LTF: variants seen among roughly 807,000 people sequenced by gnomAD.
LTF encodes the protein lactotransferrin, also known as epididymis luminal protein 110.
Under a neutral mutation model 87.2 loss-of-function variants are expected in LTF, and 91 were observed. The observed-to-expected ratio is 1.04, with a 90% CI of 0.88 to 1.24. LTF has a LOEUF of 1.24. Among genes scored for constraint, LTF ranks in the 50% most tolerant of loss-of-function variants. LTF has a pLI of 0.00. For synonymous variants in LTF, 378 were observed against 356.1 expected (o/e 1.06, Z -0.69); for missense variants, 901 against 904.3 (o/e 1.00, Z 0.05).
At chr3:46,449,457 C>A (rs1168129555) in intron 8 of LTF, among the ~76,000 whole-genome samples, 1 of 152,148 alleles carries the variant, frequency 6.6e-6, no homozygotes, top group Non-Finnish European at 1.5e-5. Flanking sequence ...CACCCCCAGC[C>A]CCCCAGTAGA....
Position 46,456,771 on chromosome 3 carries a change from C to G in LTF, c.208-373G>C, listed in dbSNP as rs4683228. ...TTGGATAGAAAATATAGTTATTAAG[C>G]TATCCTAAAATTTTCATAAGAAACC... On this transcript the variant is annotated intron_variant, in intron 2 of 16. Transcript: ENST00000231751. Among the ~76,000 whole-genome samples, 761 of 152,152 alleles carry G rather than the reference C, an allele frequency of 5.0e-3. 6 individuals carry two copies. Among genetic ancestry groups the G allele is most frequent in the African/African-American group, 0.017 (713 of 41,498 alleles).
At position 46,445,381 on chromosome 3, in the gene LTF, A is replaced by T. The variant is rs1229148022; in HGVS notation, c.1413T>A (p.Ser471=). 1 of 1,614,000 alleles carries T rather than the reference A, an allele frequency of 6.2e-7. No homozygotes were observed. Among genetic ancestry groups the T allele is most frequent in the Admixed American group, 1.7e-5 (1 of 60,004 alleles). ...RRSDTSLTWN[S]VKGKKSCHTA... is the part of the protein sequence containing the mutation. ...TGTGGCAGGACTTCTTGCCTTTCAC[A>T]GAGTTCCAGGTAAGGCTAGTGTCTG... is the stretch of plus-strand genomic sequence containing the variant. The change falls in exon 12 of 17, where the codon TCT becomes TCA. Residue 471 remains serine, a synonymous_variant. Coordinates refer to ENST00000231751, the MANE Select transcript of LTF (RefSeq NM_002343.6).
At chr3:46,467,650 T>C (rs1295196027), upstream of LTF, among the ~76,000 whole-genome samples, 6 of 147,682 alleles carry the variant, frequency 4.1e-5, no homozygotes, top group East Asian at 3.9e-4. Context: ...TTTTCTTTTT[T>C]TTTTTTTTTT....
chr3:46,448,230 G>C (rs1702704419), intron 9 of LTF, among the ~76,000 whole-genome samples: 1 of 152,098 alleles, frequency 6.6e-6, no homozygotes, highest in Non-Finnish European at 1.5e-5. Flanking sequence ...ATGCAGGTGT[G>C]GTGGCGTATG....
rs148932498 is a variant in LTF, at chr3:46,449,116, A to G, written c.1058-99T>C. 2.0e-3 allele frequency: 2,271 copies of G among 1,128,470 alleles called. 41 individuals carry two copies. The African/African-American group carries it at 0.032, about 16-fold the overall frequency. The allele number at this position is 1,128,470 out of a possible 1,614,324, so 69.9% of individuals were successfully genotyped here. The stretch of plus-strand genomic sequence containing the variant: ...GTCCTGCCCAGACTCTCCCTGGAAC[A>G]GGAGCTACAGTACATGTGTGGACAT... On this transcript the variant is annotated intron_variant, in intron 8 of 16. Coordinates refer to ENST00000231751, the MANE Select transcript of LTF (RefSeq NM_002343.6).
chr3:46,447,218 T>A (rs1702676585), intron 10 of LTF, 90 bp downstream of exon 10: 1 of 877,764 alleles, frequency 1.1e-6, no homozygotes, highest in Non-Finnish European at 1.9e-6. Flanking sequence ...TTCATCATAA[T>A]GTTTCACCTG....
rs780557539 is a variant in LTF, at chr3:46,438,093, T to G, written c.1945A>C (p.Lys649Gln). The G allele has an allele frequency of 6.2e-7, 1 of 1,614,064 alleles. No homozygotes were observed. Among genetic ancestry groups the G allele is most frequent in the East Asian group, 2.2e-5 (1 of 44,882 alleles). The change falls in exon 16 of 17, where the codon AAG becomes CAG. Residue 649 changes from lysine (K) to glutamine (Q), a missense_variant. Transcript: ENST00000231751. ...FGRNGSDCPDKFCLFQSETKN... is the reference protein window; with the variant it reads ...FGRNGSDCPDQFCLFQSETKN... ...GTTTCAGACTGGAATAAGCAAAACT[T>G]GTCCGGGCAGTCAGATCCATTTCTC...
chr3:46,482,616 GA>G (rs1225520770), intron 1 of LTF, among the ~76,000 whole-genome samples: 573 of 37,832 alleles, frequency 0.015, 34 homozygotes, highest in South Asian at 0.027. Context: ...AAAGAAGAAA[GA>G]AAGAAAGAAA....
chr3:46,439,065 A>G (rs1453601357), intron 15 of LTF, among the ~76,000 whole-genome samples: 3 of 152,232 alleles, frequency 2.0e-5, no homozygotes, highest in Non-Finnish European at 4.4e-5. Context: ...AGGCCAGGGC[A>G]CAGAGTCTCA....
chr3:46,451,404 T>TA (rs1328245161), intron 6 of LTF, among the ~76,000 whole-genome samples: 7 of 152,234 alleles, frequency 4.6e-5, no homozygotes, highest in Non-Finnish European at 1.0e-4. Context: ...AATGAAGGTT[T>TA]ACCAGTGTAT....
chr3:46,460,334 AG>A (rs1703047805), intron 1 of LTF, among the ~76,000 whole-genome samples: 1 of 152,206 alleles, frequency 6.6e-6, no homozygotes, highest in Non-Finnish European at 1.5e-5. Context: ...CCAAGAGAAC[AG>A]GGGAAAATAT....
chr3:46,479,957 T>C (rs939072673), intron 1 of LTF, among the ~76,000 whole-genome samples: 1 of 151,938 alleles, frequency 6.6e-6, no homozygotes, highest in African/African-American at 2.4e-5. Flanking sequence ...AGGAGAGAGG[T>C]GGATGATGGC....
chr3:46,446,481 C>T lies in LTF; in HGVS notation c.1316G>A (p.Ser439Asn), dbSNP rs1019548589. The T allele has an allele frequency of 1.9e-6, 3 of 1,613,726 alleles. No homozygotes were observed. The highest frequency in any genetic ancestry group is 2.5e-6 in the Non-Finnish European group (3 of 1,179,868). ...VLAENYKSQQ[S>N]SDPDPNCVDR... ...CACACAGTTAGGATCAGGGTCACTG[C>T]TTTGTTGGGATTCTGAAAGAATAAA... is the stretch of plus-strand genomic sequence containing the variant. Residue 439 changes from serine to asparagine, a missense_variant, in exon 11 of 17, where the codon AGC becomes AAC. Physicochemically the swap from Ser to Asn is conservative, Grantham distance 46. Coordinates refer to ENST00000231751, the MANE Select transcript of LTF (RefSeq NM_002343.6).
At chr3:46,467,053 T>G (rs1703225602), upstream of LTF, among the ~76,000 whole-genome samples, 1 of 152,120 alleles carries the variant, frequency 6.6e-6, no homozygotes, top group Non-Finnish European at 1.5e-5. Flanking sequence ...CAGGGCAGAC[T>G]GTTTTCCTGC....
At chr3:46,438,752 A>C (rs1480446720) in intron 15 of LTF, among the ~76,000 whole-genome samples, 1 of 152,230 alleles carries the variant, frequency 6.6e-6, no homozygotes, top group Non-Finnish European at 1.5e-5. Flanking sequence ...TCAAAAGCAC[A>C]CAGAGACATG....
Position 46,445,548 on chromosome 3 carries a change from G to A in LTF, c.1358-112C>T, listed in dbSNP as rs567905209. ...CAAAACAGGCCAAGAAGCAACACCA[G>A]GCAATGATTCCCTCAAAGAACTGGC... On this transcript the variant is annotated intron_variant, in intron 11 of 16. Transcript: ENST00000231751. 10 of 850,366 alleles carry A rather than the reference G, an allele frequency of 1.2e-5. No homozygotes were observed. In the South Asian group the frequency reaches 1.8e-4, roughly 15 times the overall value. 52.7% of individuals were successfully genotyped at this position (850,366 alleles called of 1,614,324 possible). A position where few individuals can be genotyped will look rare whatever the true frequency, so the allele number is the denominator to read the frequency against.
chr3:46,464,611 C>T (rs1703166928), intron 1 of LTF, among the ~76,000 whole-genome samples: 1 of 152,220 alleles, frequency 6.6e-6, no homozygotes, highest in Non-Finnish European at 1.5e-5. Context: ...GCTAGGCGTG[C>T]CCCGATCCGG....
chr3:46,464,795 C>A (rs768148535), intron 1 of LTF, 30 bp downstream of exon 1: 12 of 1,612,912 alleles, frequency 7.4e-6, no homozygotes, highest in Non-Finnish European at 1.0e-5. Flanking sequence ...GCCCATCAGG[C>A]GGCTCGCGCC....
At chr3:46,463,393 G>A (rs1317878349) in intron 1 of LTF, 1 of 913,480 alleles carries the variant, frequency 1.1e-6, no homozygotes, top group Admixed American at 6.2e-5. Flanking sequence ...TAAGCAGACA[G>A]ACTCCTCCAC....
Sources: allele counts gnomAD v4.1 joint callset (sites outside exome capture counted in the v4.1 genomes callset), GRCh38; gene constraint gnomAD v4.1.1; transcripts MANE v1.5; gene names NCBI Gene and HGNC (gene_info 2026-07-23, HGNC 2026-07-21).